Variants in DOCK2 observed in about 807,000 individuals in gnomAD.
DOCK2 encodes the protein dedicator of cytokinesis protein 2.
A neutral mutation model predicts 248.9 loss-of-function variants in DOCK2; 87 were observed. That is an observed-to-expected ratio of 0.35 (90% CI 0.29 to 0.42). The LOEUF is 0.42. Ranked by LOEUF, DOCK2 falls within the 10% of genes least tolerant of loss-of-function variation. The pLI, the probability that DOCK2 is intolerant of heterozygous loss-of-function variation, is 1.00. For synonymous variants in DOCK2, 805 were observed against 821.6 expected (o/e 0.98, Z 0.35); for missense variants, 1,747 against 2,300.2 (o/e 0.76, Z 4.92).
intron 23 of DOCK2, among the ~76,000 whole-genome samples, chr5:169,752,356 G>T (rs911992825): frequency 6.6e-6 from 1 of 152,144 alleles, no homozygotes; most frequent in Non-Finnish European, 1.5e-5. Flanking sequence ...GTCCAGGAGG[G>T]CAGGGGACTC....
At chr5:169,964,065 G>A (rs1453018629) in intron 27 of DOCK2, among the ~76,000 whole-genome samples, 1 of 152,096 alleles carries the variant, frequency 6.6e-6, no homozygotes, top group Non-Finnish European at 1.5e-5. Flanking sequence ...AAAGGTTGAG[G>A]TACAAATAAA....
Position 170,079,020 on chromosome 5 carries a change from G to A in DOCK2, c.5040G>A (p.Gln1680=). 1 of 1,614,168 alleles carries A rather than the reference G, an allele frequency of 6.2e-7. No individual in the cohort carries two copies. Among genetic ancestry groups the A allele is most frequent in the Non-Finnish European group, 8.5e-7 (1 of 1,180,026 alleles). Residue 1680 remains glutamine, a synonymous_variant, in exon 49 of 52, where the codon CAG becomes CAA. Coordinates refer to ENST00000520908, the MANE Select transcript of DOCK2 (RefSeq NM_004946.3). ...LASPKTPRVE[Q]EEPISPGSTL... ...CACCCAAGACGCCGAGAGTGGAGCA[G>A]GAGGAACCGATCTCCCCGGGGAGCA... is the stretch of plus-strand genomic sequence containing the variant.
At chr5:169,792,457 G>A (rs917605584) in intron 25 of DOCK2, among the ~76,000 whole-genome samples, 2 of 149,742 alleles carry the variant, frequency 1.3e-5, no homozygotes, top group Admixed American at 1.3e-4. Flanking sequence ...ATATATGTGT[G>A]TGTGTGTGTG....
intron 38 of DOCK2, among the ~76,000 whole-genome samples, chr5:170,044,079 C>T (rs1382499469): frequency 6.6e-6 from 1 of 152,202 alleles, no homozygotes; most frequent in Non-Finnish European, 1.5e-5. Context: ...GAAGGAAGCC[C>T]AAACTCCTCA....
chr5:169,837,506 T>C (rs1221584683), intron 26 of DOCK2, among the ~76,000 whole-genome samples: 2 of 152,160 alleles, frequency 1.3e-5, no homozygotes, highest in African/African-American at 4.8e-5. Context: ...GTGCTGGCAA[T>C]CTGCAAGCCC....
At chr5:169,793,357 T>C (rs990825310) in intron 25 of DOCK2, among the ~76,000 whole-genome samples, 31 of 152,194 alleles carry the variant, frequency 2.0e-4, no homozygotes, top group African/African-American at 7.2e-4. Flanking sequence ...TTCTCTCCCC[T>C]GCACTGTTAT....
At chr5:169,735,110 C>T (rs10065588) in intron 22 of DOCK2, among the ~76,000 whole-genome samples, 6,223 of 152,272 alleles carry the variant, frequency 0.041, 433 homozygotes, top group African/African-American at 0.14. Context: ...CTTCACCCTA[C>T]AGTCAGAGTG....
At chr5:169,982,057 T>C (rs1456253220) in intron 27 of DOCK2, among the ~76,000 whole-genome samples, 3 of 150,984 alleles carry the variant, frequency 2.0e-5, no homozygotes, top group Non-Finnish European at 4.4e-5. Context: ...CAGCAGTTTA[T>C]GGTAAAAATG....
At chr5:169,722,925 A>T (rs76668764) in intron 22 of DOCK2, among the ~76,000 whole-genome samples, 5,323 of 152,240 alleles carry the variant, frequency 0.035, 244 homozygotes, top group Admixed American at 0.13. Context: ...TGAGGACCAC[A>T]ATGTGGTACT....
chr5:169,671,270 G>T, intron 5 of DOCK2, 96 bp downstream of exon 5: 1 of 1,094,072 alleles, frequency 9.1e-7, no homozygotes, highest in Non-Finnish European at 1.4e-6. Flanking sequence ...GCAGGTGGAG[G>T]TGGCTTTGGT....
intron 27 of DOCK2, among the ~76,000 whole-genome samples, chr5:169,903,752 G>A (rs192697779): frequency 3.3e-5 from 5 of 151,996 alleles, no homozygotes; most frequent in Non-Finnish European, 5.9e-5. Flanking sequence ...CTCGGTCACT[G>A]TAGCAGGAAG....
At chr5:170,021,872 CA>C (rs1755740299) in intron 33 of DOCK2, among the ~76,000 whole-genome samples, 1 of 152,070 alleles carries the variant, frequency 6.6e-6, no homozygotes, top group African/African-American at 2.4e-5. Context: ...CCTTGATGGC[CA>C]GAACGAGAGT....
chr5:169,903,053 A>G (rs547818012), intron 27 of DOCK2, among the ~76,000 whole-genome samples: 6 of 151,932 alleles, frequency 3.9e-5, no homozygotes, highest in South Asian at 4.2e-4. Flanking sequence ...AGCTGAGATC[A>G]CGCCACTGTA....
At chr5:169,932,347 T>C (rs934541084) in intron 27 of DOCK2, among the ~76,000 whole-genome samples, 1 of 152,076 alleles carries the variant, frequency 6.6e-6, no homozygotes, top group African/African-American at 2.4e-5. Flanking sequence ...GTTGGAACTA[T>C]ACCCGCTGCA....
At position 169,846,334 on chromosome 5, in the gene DOCK2, T is replaced by C. The variant is rs537384998; in HGVS notation, c.2799+5482T>C. Among the ~76,000 whole-genome samples, 10 of 152,294 alleles carry C rather than the reference T, an allele frequency of 6.6e-5. 1 individual carries two copies. The highest frequency in any genetic ancestry group is 2.2e-4 in the African/African-American group (9 of 41,544). On this transcript the variant is annotated intron_variant, in intron 27 of 51. Coordinates refer to ENST00000520908, the MANE Select transcript of DOCK2 (RefSeq NM_004946.3). ...AACCATGGGGCTAGGATGGATTTCT[T>C]GTTGGGCTTAGGGCTTTGCGATGAC... is the stretch of plus-strand genomic sequence containing the variant.
chr5:169,951,234 C>T (rs996601352), intron 27 of DOCK2, among the ~76,000 whole-genome samples: 1 of 152,208 alleles, frequency 6.6e-6, no homozygotes, highest in African/African-American at 2.4e-5. Flanking sequence ...AGACTTTGGG[C>T]TTTACCTTCC....
chr5:169,955,695 G>A lies in DOCK2; in HGVS notation c.2800-27373G>A, dbSNP rs142581961. ...ATTCCAGCCTAGCCACTATATAGCTGTGGAATTACAGAGACATTCTTTAAC... is the reference window on the plus strand; with the variant it reads ...ATTCCAGCCTAGCCACTATATAGCTATGGAATTACAGAGACATTCTTTAAC... On this transcript the variant is annotated intron_variant, in intron 27 of 51. Coordinates refer to ENST00000520908, the MANE Select transcript of DOCK2 (RefSeq NM_004946.3). Among the ~76,000 whole-genome samples the A allele has an allele frequency of 3.3e-3, 503 of 152,286 alleles. 2 individuals are homozygous for A. Among genetic ancestry groups the A allele is most frequent in the Middle Eastern group, 0.01 (3 of 292 alleles).
chr5:169,841,728 A>G (rs1581269664), intron 27 of DOCK2, among the ~76,000 whole-genome samples: 1 of 152,004 alleles, frequency 6.6e-6, no homozygotes, highest in Non-Finnish European at 1.5e-5. Context: ...AATTCCCAGT[A>G]CCTCTCCATC....
At chr5:169,791,154 T>C (rs2113063881) in intron 25 of DOCK2, among the ~76,000 whole-genome samples, 1 of 152,092 alleles carries the variant, frequency 6.6e-6, no homozygotes, top group East Asian at 1.9e-4. Context: ...ATCTAACACT[T>C]ACTAAGATCC....
Sources: gnomAD v4.1 joint callset for allele counts (sites outside exome capture counted in the v4.1 genomes callset) on GRCh38, gnomAD v4.1.1 for gene constraint, MANE v1.5 for transcripts, NCBI Gene and HGNC (gene_info 2026-07-23, HGNC 2026-07-21) for gene names.